Variants in GALNT8 observed in about 807,000 individuals in gnomAD.
GALNT8 encodes the protein probable polypeptide N-acetylgalactosaminyltransferase 8.
Under a neutral mutation model 62.7 loss-of-function variants are expected in GALNT8, and 66 were observed. That is an observed-to-expected ratio of 1.05 (90% confidence interval 0.86 to 1.29). GALNT8 has a LOEUF of 1.29. GALNT8 is among the 50% of genes most tolerant of loss of function. The pLI, the probability that GALNT8 is intolerant of heterozygous loss-of-function variation, is 0.00. For synonymous variants in GALNT8, 288 were observed against 294.3 expected (o/e 0.98, Z 0.22); for missense variants, 771 against 791.8 (o/e 0.97, Z 0.32).
chr12:4,768,408 CT>C (rs763223145), intron 10 of GALNT8: 66 of 373,706 alleles, frequency 1.8e-4, no homozygotes, highest in South Asian at 2.4e-4. Flanking sequence ...TTTTTCATAT[CT>C]TTTTTTTGTG....
Position 4,749,429 on chromosome 12 carries a change from T to G in GALNT8, c.1173+3171T>G, listed in dbSNP as rs1293066235. 1.3e-5 allele frequency among the ~76,000 whole-genome samples: 2 copies of G among 152,198 alleles called. No individual in the cohort carries two copies. The highest frequency in any genetic ancestry group is 2.9e-5 in the Non-Finnish European group (2 of 68,018). Reference sequence around the variant, plus strand: ...TGAAATGATCACATGGTTTTTGTCTTTCATCCTGTTAATATGATGTTTCAC... The same window carrying G: ...TGAAATGATCACATGGTTTTTGTCTGTCATCCTGTTAATATGATGTTTCAC... On this transcript the variant is annotated intron_variant, in intron 6 of 10. Transcript: ENST00000252318. The surrounding 1 kb of genome is among the most constrained non-coding windows in gnomAD (Gnocchi z 4.1).
At chr12:4,772,364 C>A in intron 10 of GALNT8, 81 bp from the exon 11 acceptor site, 1 of 1,279,670 alleles carries the variant, frequency 7.8e-7, no homozygotes, top group Non-Finnish European at 1.1e-6. Context: ...TGGCTGAGCA[C>A]AGCAGGGAGA....
intron 2 of GALNT8, among the ~76,000 whole-genome samples, chr12:4,736,596 A>G (rs12809919): frequency 0.14 from 19,524 of 138,222 alleles, 1,400 homozygotes; most frequent in Middle Eastern, 0.21. Flanking sequence ...AAGAGAAAAG[A>G]AAAAAAAAAA....
intron 10 of GALNT8, among the ~76,000 whole-genome samples, chr12:4,770,406 T>C (rs975515674): frequency 3.9e-5 from 6 of 151,974 alleles, no homozygotes; most frequent in African/African-American, 1.5e-4. Context: ...CTAGAGGATG[T>C]GTGGAACACT....
intron 10 of GALNT8, chr12:4,768,448 A>G (rs2137546482): frequency 2.7e-6 from 1 of 373,624 alleles, no homozygotes; most frequent in Non-Finnish European, 5.3e-6. Context: ...ACAGCCTACC[A>G]TTACTAAATA....
At chr12:4,737,607 A>T (rs777356156) in intron 2 of GALNT8, among the ~76,000 whole-genome samples, 2 of 152,196 alleles carry the variant, frequency 1.3e-5, no homozygotes, top group Non-Finnish European at 2.9e-5. Context: ...GTGATAGCCT[A>T]ACTGCTGTGG....
In GALNT8 at chr12:4,749,720, A is replaced by AAATTTAAGT. The variant is rs1946314719; in HGVS notation, c.1173+3464_1173+3472dup. Among the ~76,000 whole-genome samples the AAATTTAAGT allele has an allele frequency of 6.6e-6, 1 of 151,946 alleles. No homozygotes were observed. Among genetic ancestry groups the AAATTTAAGT allele is most frequent in the South Asian group, 2.1e-4 (1 of 4,812 alleles). On this transcript the variant is annotated intron_variant, in intron 6 of 10. Coordinates refer to ENST00000252318, the MANE Select transcript of GALNT8 (RefSeq NM_017417.2). The surrounding 1 kb of genome is among the most constrained non-coding windows in gnomAD (Gnocchi z 4.1). Reference sequence around the variant, plus strand: ...ATGTTCCCTCCTGTATTTTTTGGAAAAATTTAAGTAGGATTGGTACTAGTT... The same window carrying AAATTTAAGT: ...ATGTTCCCTCCTGTATTTTTTGGAAAAATTTAAGTAATTTAAGTAGGATTGGTACTAGTT...
Position 4,739,216 on chromosome 12 carries a change from TA to T in GALNT8, c.564del (p.Phe189SerfsTer2). ...SQLPSLSVIL[I>X]FVNEALSIIQ... ...CTCCCATCCCTCAGTGTCATTCTCA[TA>T]TTCGTGAATGAAGCTCTGTCCATTA... On this transcript the variant is annotated frameshift_variant, in exon 3 of 11. Transcript: ENST00000252318. LOFTEE classifies it high-confidence loss of function. The T allele has an allele frequency of 6.2e-7, 1 of 1,610,044 alleles. No homozygotes were observed. The highest frequency in any genetic ancestry group is 8.5e-7 in the Non-Finnish European group (1 of 1,176,260).
chr12:4,760,164 G>A (rs1186463958), intron 6 of GALNT8, among the ~76,000 whole-genome samples: 4 of 152,216 alleles, frequency 2.6e-5, no homozygotes, highest in African/African-American at 9.7e-5. Flanking sequence ...GTCAGCCAGA[G>A]TTGGGTTCTC....
At chr12:4,750,094 A>T (rs1207472935) in intron 6 of GALNT8, among the ~76,000 whole-genome samples, 1 of 152,054 alleles carries the variant, frequency 6.6e-6, no homozygotes, top group Non-Finnish European at 1.5e-5. Flanking sequence ...TTAACTTTTC[A>T]AAAAACCAAC....
At chr12:4,766,203 C>G (rs1305825714) in intron 10 of GALNT8, among the ~76,000 whole-genome samples, 2 of 151,898 alleles carry the variant, frequency 1.3e-5, no homozygotes, top group Non-Finnish European at 2.9e-5. Flanking sequence ...AACACTGAGT[C>G]TCTTGACTAA....
chr12:4,736,735 ACTC>A (rs1285430841), intron 2 of GALNT8, among the ~76,000 whole-genome samples: 1 of 152,102 alleles, frequency 6.6e-6, no homozygotes, highest in Non-Finnish European at 1.5e-5. Flanking sequence ...AATGACATCT[ACTC>A]CTGGGTTATA....
At chr12:4,746,283 T>TTGTGTTTTACTGTTTTGTGCA in intron 6 of GALNT8, 25 bp downstream of exon 6, 1 of 1,260,728 alleles carries the variant, frequency 7.9e-7, no homozygotes, top group Non-Finnish European at 1.2e-6. Flanking sequence ...CTTTTCTTTA[T>TTGTGTTTTACTGTTTTGTGCA]GGGACAAAGC....
chr12:4,740,415 G>A (rs955849244), intron 3 of GALNT8, among the ~76,000 whole-genome samples: 4 of 151,660 alleles, frequency 2.6e-5, no homozygotes, highest in Admixed American at 2.0e-4. Context: ...AGCACCTTAC[G>A]TGTGTTAACT....
intron 9 of GALNT8, among the ~76,000 whole-genome samples, chr12:4,764,704 C>T (rs1224716736): frequency 3.3e-5 from 5 of 150,610 alleles, no homozygotes; most frequent in Non-Finnish European, 7.4e-5. Context: ...CCACCATGCC[C>T]GGCTAATTTT....
In GALNT8 at chr12:4,770,233, C is replaced by T. The variant is rs546403729; in HGVS notation, c.1762-2212C>T. ...AGGAGAATTACCTGAACCCGGGAGG[C>T]GGAGGTTGCAAGGAGCCAAGATCAT... On this transcript the variant is annotated intron_variant, in intron 10 of 10. Transcript: ENST00000252318. Among the ~76,000 whole-genome samples the T allele has an allele frequency of 1.5e-4, 23 of 150,620 alleles. No individual in the cohort carries two copies. In the South Asian group the frequency reaches 2.7e-3, roughly 18 times the overall value.
At chr12:4,766,299 C>G (rs1426221548) in intron 10 of GALNT8, among the ~76,000 whole-genome samples, 2 of 152,102 alleles carry the variant, frequency 1.3e-5, no homozygotes, top group African/African-American at 4.8e-5. Context: ...CTCAGTATAG[C>G]AATTTCCTTA....
Position 4,726,727 on chromosome 12 carries a change from A to G in GALNT8, c.407A>G (p.Gln136Arg). The change falls in exon 2 of 11, where the codon CAG becomes CGG. Residue 136 changes from glutamine to arginine, a missense_variant. Gln to Arg is a conservative substitution (Grantham distance 43). Coordinates refer to ENST00000252318, the MANE Select transcript of GALNT8 (RefSeq NM_017417.2). This position sits in a 1 kb window ranked among gnomAD's most constrained non-coding sequence, Gnocchi z 4.1. Reference protein sequence around the residue: ...RQWGEDLSEAQQKAAQDLFRK... With the variant: ...RQWGEDLSEARQKAAQDLFRK... ...TGGGGCGAGGATCTTTCTGAGGCCCAGCAGAAGGCGGCCCAGGACCTCTTC... is the reference window on the plus strand; with the variant it reads ...TGGGGCGAGGATCTTTCTGAGGCCCGGCAGAAGGCGGCCCAGGACCTCTTC... 1 of 1,614,086 alleles carries G rather than the reference A, an allele frequency of 6.2e-7. No individual in the cohort carries two copies. Among genetic ancestry groups the G allele is most frequent in the Non-Finnish European group, 8.5e-7 (1 of 1,179,994 alleles).
At chr12:4,728,822 C>CTGTT (rs1400730182) in intron 2 of GALNT8, among the ~76,000 whole-genome samples, 1 of 152,100 alleles carries the variant, frequency 6.6e-6, no homozygotes, top group African/African-American at 2.4e-5. Flanking sequence ...TTTCTCAAGA[C>CTGTT]TGTTTTGTCT....
Sources: allele counts gnomAD v4.1 joint callset (sites outside exome capture counted in the v4.1 genomes callset), GRCh38; gene constraint gnomAD v4.1.1; non-coding constraint Gnocchi (gnomAD v3.1); transcripts MANE v1.5; gene names NCBI Gene and HGNC (gene_info 2026-07-23, HGNC 2026-07-21).